Variants in HS6ST2 observed in about 807,000 individuals in gnomAD.
The protein encoded by HS6ST2 is heparan-sulfate 6-O-sulfotransferase 2.
HS6ST2 carries 17 observed loss-of-function variants against 33.0 expected under a neutral mutation model. That is an observed-to-expected ratio of 0.52 (90% CI 0.35 to 0.77). The LOEUF (loss-of-function observed/expected upper bound fraction) is 0.77. Among genes scored for constraint, HS6ST2 ranks in the 30% least tolerant of loss-of-function variants. The probability of loss-of-function intolerance (pLI) is 0.01; values close to 1 mark genes in which losing one functional copy is unlikely to be tolerated. For missense variants in HS6ST2, 519 were observed against 551.7 expected (o/e 0.94, Z 0.59); for synonymous variants, 248 against 237.1 (o/e 1.05, Z -0.42).
intron 2 of HS6ST2, among the ~76,000 whole-genome samples, chrX:132,793,632 T>G (rs1314845545): frequency 8.9e-6 from 1 of 112,081 alleles, no homozygotes; most frequent in Admixed American, 9.5e-5. Context: ...TTATTACATT[T>G]AATAATATTT....
chrX:132,643,744 C>T (rs778569710), intron 4 of HS6ST2, among the ~76,000 whole-genome samples: 1 of 111,604 alleles, frequency 9.0e-6, no homozygotes, highest in African/African-American at 3.3e-5. Context: ...ATTTGGTTGA[C>T]GTTCACTTAT....
chrX:132,841,013 T>C (rs1215924992), intron 2 of HS6ST2, among the ~76,000 whole-genome samples: 1 of 112,152 alleles, frequency 8.9e-6, no homozygotes, highest in African/African-American at 3.2e-5. Context: ...TAAATTCTAG[T>C]TACAAGTGGT....
At chrX:132,685,528 T>C (rs2064010609) in intron 3 of HS6ST2, among the ~76,000 whole-genome samples, 1 of 111,127 alleles carries the variant, frequency 9.0e-6, no homozygotes, top group African/African-American at 3.3e-5. Context: ...ATGCTGGTCC[T>C]CTCAAAGTTG....
At chrX:132,674,669 T>C (rs2063909588) in intron 3 of HS6ST2, among the ~76,000 whole-genome samples, 1 of 112,468 alleles carries the variant, frequency 8.9e-6, no homozygotes, top group Admixed American at 9.4e-5. Flanking sequence ...AGTCAGTTTC[T>C]AAATTATATT....
At chrX:132,828,677 T>TA (rs2065550874) in intron 2 of HS6ST2, among the ~76,000 whole-genome samples, 1 of 38,599 alleles carries the variant, frequency 2.6e-5, no homozygotes, top group African/African-American at 1.4e-4. Flanking sequence ...AATATCATAT[T>TA]TTATATATAT....
At chrX:132,656,336 G>C (rs898010328) in intron 4 of HS6ST2, among the ~76,000 whole-genome samples, 3 of 111,833 alleles carry the variant, frequency 2.7e-5, no homozygotes, top group African/African-American at 9.7e-5. Flanking sequence ...CTGAGGCATG[G>C]TGGATAAAGG....
chrX:132,925,867 A>G lies in HS6ST2; in HGVS notation c.947+30941T>C, dbSNP rs1436930213. On this transcript the variant is annotated intron_variant, in intron 2 of 4. Transcript: ENST00000370833. Reference sequence around the variant, plus strand: ...CGTTATAAAGCCCTCTCACTTACATACAGTATTTGGGCCTCAAAACAGTCC... The same window carrying G: ...CGTTATAAAGCCCTCTCACTTACATGCAGTATTTGGGCCTCAAAACAGTCC... 4.5e-5 allele frequency among the ~76,000 whole-genome samples: 5 copies of G among 111,948 alleles called. No individual in the cohort carries two copies. In the Admixed American group the frequency reaches 4.7e-4, roughly 11 times the overall value.
intron 3 of HS6ST2, 145 bp from the exon 4 acceptor site, chrX:132,669,344 CT>C (rs1397033273): frequency 4.1e-5 from 17 of 409,645 alleles, no homozygotes; most frequent in South Asian, 1.8e-4. Flanking sequence ...CTCTCTCTCT[CT>C]CCTGTCAAAG....
chrX:132,702,252 C>T (rs1354703932), intron 3 of HS6ST2, among the ~76,000 whole-genome samples: 3 of 112,644 alleles, frequency 2.7e-5, no homozygotes, highest in Non-Finnish European at 1.9e-5. Context: ...AATAGCTTTT[C>T]CCTTTACAGA....
At chrX:132,909,236 G>T (rs1475444572) in intron 2 of HS6ST2, among the ~76,000 whole-genome samples, 1 of 111,837 alleles carries the variant, frequency 8.9e-6, no homozygotes, top group East Asian at 2.8e-4. Context: ...ATCAAAACAG[G>T]GCTACTCCTC....
chrX:132,658,182 G>C (rs955734032), intron 4 of HS6ST2, among the ~76,000 whole-genome samples: 1 of 111,275 alleles, frequency 9.0e-6, no homozygotes, highest in South Asian at 3.8e-4. Context: ...AAAGTACCCA[G>C]ACATCACCCC....
At chrX:132,798,023 A>C (rs1389475072) in intron 2 of HS6ST2, among the ~76,000 whole-genome samples, 1 of 82,210 alleles carries the variant, frequency 1.2e-5, no homozygotes, top group African/African-American at 4.7e-5. Context: ...AAAAAAAAAA[A>C]AAAAAGGAAG....
chrX:132,895,321 G>A (rs1461163968), intron 2 of HS6ST2, among the ~76,000 whole-genome samples: 2 of 111,446 alleles, frequency 1.8e-5, no homozygotes, highest in Admixed American at 1.9e-4. Context: ...ACAGAAAGCA[G>A]TGTTGCACTG....
intron 2 of HS6ST2, among the ~76,000 whole-genome samples, chrX:132,718,943 A>T (rs1569483616): frequency 9.0e-6 from 1 of 110,748 alleles, no homozygotes; most frequent in South Asian, 3.9e-4. Context: ...TTTCTTATCT[A>T]TAGGAAAATG....
chrX:132,700,198 C>T (rs2064133662), intron 3 of HS6ST2, among the ~76,000 whole-genome samples: 1 of 111,676 alleles, frequency 9.0e-6, no homozygotes, highest in Non-Finnish European at 1.9e-5. Flanking sequence ...TACCCATTGC[C>T]CAAATTAGAA....
chrX:132,828,657 G>T (rs1210101615), intron 2 of HS6ST2, among the ~76,000 whole-genome samples: 1 of 88,350 alleles, frequency 1.1e-5, no homozygotes. Flanking sequence ...AACTTCCTGG[G>T]GATAATGGAA....
At chrX:132,865,187 C>A (rs1234131616) in intron 2 of HS6ST2, among the ~76,000 whole-genome samples, 1 of 97,293 alleles carries the variant, frequency 1.0e-5, no homozygotes, top group Non-Finnish European at 2.0e-5. Flanking sequence ...TCCACGTGAT[C>A]TCATTGTTCA....
intron 2 of HS6ST2, among the ~76,000 whole-genome samples, chrX:132,920,603 G>GA (rs1017689386): frequency 1.7e-4 from 19 of 111,603 alleles, no homozygotes; most frequent in Non-Finnish European, 3.0e-4. Flanking sequence ...TGATTTAAAA[G>GA]AAAAAAAACA....
At chrX:132,692,728 CT>C (rs1438418740) in intron 3 of HS6ST2, among the ~76,000 whole-genome samples, 2 of 112,094 alleles carry the variant, frequency 1.8e-5, no homozygotes, top group African/African-American at 6.5e-5. Flanking sequence ...GAATAGTCTT[CT>C]CTACAGCCTC....
Sources: allele counts gnomAD v4.1 joint callset (sites outside exome capture counted in the v4.1 genomes callset), GRCh38; gene constraint gnomAD v4.1.1; transcripts MANE v1.5; gene names NCBI Gene and HGNC (gene_info 2026-07-23, HGNC 2026-07-21).